GJB7: variants seen among roughly 807,000 people sequenced by gnomAD.
GJB7 encodes the protein gap junction beta-7 protein.
For missense variants in GJB7, 253 were observed against 256.8 expected (o/e 0.99, Z 0.10); for synonymous variants, 87 against 95.2 (o/e 0.91, Z 0.50).
In GJB7 at chr6:87,284,534, T is replaced by A. The variant is rs759213273; in HGVS notation, c.379A>T (p.Ser127Cys). ...TCAAAACCAGTTTTAACAATGAGGC[T>A]GATAAGATAAGCGTACCATAGGCCC... ...DGGLWYAYLISLIVKTGFEIG... is the reference protein window; with the variant it reads ...DGGLWYAYLICLIVKTGFEIG... The change falls in exon 3 of 3, where the codon AGC becomes TGC. Residue 127 changes from serine (S) to cysteine (C), a missense_variant. Ser to Cys is a moderately radical substitution (Grantham distance 112). Transcript: ENST00000525899. 1.1e-5 allele frequency: 17 copies of A among 1,614,032 alleles called. No homozygotes were observed. In the East Asian group the frequency reaches 3.8e-4, roughly 36 times the overall value.
intron 2 of GJB7, 96 bp from the exon 3 acceptor site, chr6:87,285,035 T>C: frequency 2.5e-6 from 2 of 789,606 alleles, no homozygotes; most frequent in East Asian, 2.6e-5. Context: ...TTACAATTTC[T>C]GCATTATAAC....
chr6:87,328,501 G>A (rs1447045835), intron 1 of GJB7, among the ~76,000 whole-genome samples: 5 of 151,690 alleles, frequency 3.3e-5, no homozygotes, highest in East Asian at 1.9e-4. Context: ...GTCTGTTGGA[G>A]TACCCGGCCG....
chr6:87,300,950 G>A (rs73754185), intron 2 of GJB7, among the ~76,000 whole-genome samples: 2,245 of 152,088 alleles, frequency 0.015, 58 homozygotes, highest in African/African-American at 0.05. Context: ...TAGTTAATAC[G>A]GACTTTAAAA....
chr6:87,314,066 A>G (rs1776547571), intron 2 of GJB7, among the ~76,000 whole-genome samples: 1 of 152,236 alleles, frequency 6.6e-6, no homozygotes, highest in South Asian at 2.1e-4. Flanking sequence ...ATAGCTATAC[A>G]TTTCATAAGG....
intron 1 of GJB7, among the ~76,000 whole-genome samples, chr6:87,323,689 G>A (rs1237484176): frequency 6.6e-6 from 1 of 152,098 alleles, no homozygotes; most frequent in Non-Finnish European, 1.5e-5. Context: ...GGACATTTGG[G>A]TTGGTTCCAG....
At chr6:87,324,653 T>TCA (rs1776770332) in intron 1 of GJB7, among the ~76,000 whole-genome samples, 1 of 57,088 alleles carries the variant, frequency 1.8e-5, no homozygotes, top group Non-Finnish European at 5.5e-5. Flanking sequence ...ACCAGTACCA[T>TCA]GCTGTTTTGG....
intron 2 of GJB7, among the ~76,000 whole-genome samples, chr6:87,286,742 A>T (rs942095617): frequency 6.6e-6 from 1 of 152,190 alleles, no homozygotes; most frequent in Non-Finnish European, 1.5e-5. Context: ...TTGATCTCTC[A>T]AAACCACTCT....
intron 2 of GJB7, among the ~76,000 whole-genome samples, chr6:87,316,710 C>T (rs1776589124): frequency 1.3e-5 from 2 of 152,194 alleles, no homozygotes; most frequent in Non-Finnish European, 2.9e-5. Flanking sequence ...TTCTCAAACC[C>T]TTTTGTGGTC....
intron 2 of GJB7, among the ~76,000 whole-genome samples, chr6:87,286,547 T>C (rs1406840099): frequency 6.6e-6 from 1 of 152,212 alleles, no homozygotes; most frequent in Admixed American, 6.5e-5. Context: ...TTAAACTTCT[T>C]CGCATCTCTT....
intron 2 of GJB7, among the ~76,000 whole-genome samples, chr6:87,287,637 C>T (rs1562208070): frequency 2.0e-5 from 3 of 152,078 alleles, no homozygotes; most frequent in African/African-American, 7.2e-5. Flanking sequence ...AACAAAGCCC[C>T]AAAGATTAAA....
chr6:87,305,317 T>C (rs1095674), intron 2 of GJB7, among the ~76,000 whole-genome samples: 91,982 of 151,258 alleles, frequency 0.61, 28,315 homozygotes, highest in African/African-American at 0.65. Context: ...TGATAAGCAA[T>C]TTCAGCAAAG....
At chr6:87,301,647 C>T (rs1776329402) in intron 2 of GJB7, among the ~76,000 whole-genome samples, 2 of 152,190 alleles carry the variant, frequency 1.3e-5, no homozygotes, top group Admixed American at 6.5e-5. Context: ...CCTCTGCAGA[C>T]TTAAATGTCC....
intron 2 of GJB7, among the ~76,000 whole-genome samples, chr6:87,291,711 C>T (rs1258973468): frequency 6.6e-6 from 1 of 152,204 alleles, no homozygotes; most frequent in Non-Finnish European, 1.5e-5. Flanking sequence ...CGGCACAAAA[C>T]TGAATGGCAG....
intron 1 of GJB7, among the ~76,000 whole-genome samples, chr6:87,324,692 G>A (rs1385287014): frequency 6.6e-6 from 1 of 151,580 alleles, no homozygotes; most frequent in Non-Finnish European, 1.5e-5. Flanking sequence ...ATACTTTGAA[G>A]TCAGGTAGTG....
intron 2 of GJB7, chr6:87,322,592 CGGGGCGT>C (rs1323817003): frequency 6.6e-6 from 1 of 152,264 alleles, no homozygotes; most frequent in African/African-American, 2.4e-5. Context: ...CGAAGCGGGG[CGGGGCGT>C]CTCGGGCGAG....
intron 1 of GJB7, among the ~76,000 whole-genome samples, chr6:87,327,435 T>G (rs1236453803): frequency 6.6e-6 from 1 of 152,186 alleles, no homozygotes; most frequent in Non-Finnish European, 1.5e-5. Flanking sequence ...CAGGAGCTCT[T>G]TTAGGGCAGG....
At chr6:87,299,720 T>C (rs1776294009) in intron 2 of GJB7, 1 of 160,922 alleles carries the variant, frequency 6.2e-6, no homozygotes, top group Non-Finnish European at 1.3e-5. Flanking sequence ...GGTGGTCTGG[T>C]GTTTAGTGAA....
chr6:87,287,100 GT>G (rs1378802587), intron 2 of GJB7, among the ~76,000 whole-genome samples: 1 of 152,164 alleles, frequency 6.6e-6, no homozygotes, highest in Non-Finnish European at 1.5e-5. Context: ...ATTTTCAAAT[GT>G]CCCCTGGAGA....
At chr6:87,288,889 T>C (rs1218861652) in intron 2 of GJB7, among the ~76,000 whole-genome samples, 6 of 152,236 alleles carry the variant, frequency 3.9e-5, no homozygotes, top group Non-Finnish European at 7.3e-5. Flanking sequence ...TTCCTATCTG[T>C]CACTCTGTTT....
Sources: allele counts gnomAD v4.1 joint callset (sites outside exome capture counted in the v4.1 genomes callset), GRCh38; gene constraint gnomAD v4.1.1; transcripts MANE v1.5; gene names NCBI Gene and HGNC (gene_info 2026-07-23, HGNC 2026-07-21).